Variants in CFAP299 observed in about 807,000 individuals in gnomAD.
CFAP299 encodes cilia- and flagella-associated protein 299.
A neutral mutation model predicts 27.0 loss-of-function variants in CFAP299; 21 were observed. That is an observed-to-expected ratio of 0.78 (90% CI 0.55 to 1.12). The LOEUF is 1.12. Among genes scored for constraint, CFAP299 ranks in the 50% most tolerant of loss-of-function variants. The pLI is 0.00. For missense variants in CFAP299, 310 were observed against 276.6 expected, an observed-to-expected ratio of 1.12 and a Z score of -0.86; for synonymous variants, 104 against 98.1, an observed-to-expected ratio of 1.06 and a Z score of -0.36.
intron 2 of CFAP299, among the ~76,000 whole-genome samples, chr4:80,364,171 A>G (rs904619623): frequency 1.3e-5 from 2 of 149,542 alleles, no homozygotes; most frequent in African/African-American, 2.5e-5. Context: ...AGCCCTCTGT[A>G]TAGTATATCA....
chr4:80,468,999 C>T (rs1274451292), intron 2 of CFAP299, among the ~76,000 whole-genome samples: 1 of 151,984 alleles, frequency 6.6e-6, no homozygotes, highest in Non-Finnish European at 1.5e-5. Flanking sequence ...CCTACAGAGA[C>T]CTACATTGCC....
chr4:80,324,330 C>A, the CFAP299 span, among the ~76,000 whole-genome samples: 1 of 152,144 alleles, frequency 6.6e-6, no homozygotes, highest in African/African-American at 2.4e-5. Context: ...CTCTTCAGGG[C>A]AGTTATTATC....
chr4:80,436,227 G>A (rs929003368), intron 2 of CFAP299, among the ~76,000 whole-genome samples: 1 of 152,118 alleles, frequency 6.6e-6, no homozygotes, highest in African/African-American at 2.4e-5. Context: ...TTAAAGCAAG[G>A]TGTGGCCATG....
At chr4:80,688,072 C>T (rs1313176581) in intron 3 of CFAP299, among the ~76,000 whole-genome samples, 1 of 152,206 alleles carries the variant, frequency 6.6e-6, no homozygotes, top group Non-Finnish European at 1.5e-5. Context: ...GGTAGCACAG[C>T]AGTCTGAGAT....
At chr4:80,957,238 GA>G (rs1357095395) in intron 5 of CFAP299, among the ~76,000 whole-genome samples, 4 of 152,060 alleles carry the variant, frequency 2.6e-5, no homozygotes, top group Non-Finnish European at 4.4e-5. Flanking sequence ...TCTCTCCTGG[GA>G]CCCAGTAATG....
chr4:80,938,498 T>C (rs1018593386), intron 4 of CFAP299, among the ~76,000 whole-genome samples: 2 of 152,218 alleles, frequency 1.3e-5, no homozygotes, highest in African/African-American at 4.8e-5. Flanking sequence ...GGAATACTTT[T>C]AGTTAATCTA....
intron 3 of CFAP299, among the ~76,000 whole-genome samples, chr4:80,719,887 T>C (rs902287634): frequency 2.0e-5 from 3 of 152,184 alleles, no homozygotes; most frequent in Non-Finnish European, 4.4e-5. Flanking sequence ...TAAAACTCCA[T>C]GTCTTGATAA....
chr4:80,566,902 A>G (rs531783212), intron 2 of CFAP299, among the ~76,000 whole-genome samples: 2 of 152,114 alleles, frequency 1.3e-5, no homozygotes, highest in Non-Finnish European at 1.5e-5. Flanking sequence ...GTGTGAGACT[A>G]TCTTGACCTA....
intron 1 of CFAP299, among the ~76,000 whole-genome samples, chr4:80,358,303 C>T (rs1168268678): frequency 2.0e-5 from 3 of 151,976 alleles, no homozygotes; most frequent in South Asian, 2.1e-4. Flanking sequence ...GTGAGAAGAA[C>T]ATACGTTCTG....
chr4:80,919,481 A>G (rs1030420607), intron 4 of CFAP299, among the ~76,000 whole-genome samples: 3 of 152,152 alleles, frequency 2.0e-5, no homozygotes, highest in African/African-American at 4.8e-5. Context: ...GGCTATTGAA[A>G]TGTTTTTCAT....
At chr4:80,689,086 G>A (rs912909700) in intron 3 of CFAP299, among the ~76,000 whole-genome samples, 20 of 152,142 alleles carry the variant, frequency 1.3e-4, no homozygotes, top group African/African-American at 4.6e-4. Context: ...TGAAAGTGAC[G>A]GGGAGAATGG....
intron 4 of CFAP299, among the ~76,000 whole-genome samples, chr4:80,934,908 C>A (rs1447272527): frequency 1.3e-5 from 2 of 151,876 alleles, no homozygotes; most frequent in East Asian, 1.9e-4. Flanking sequence ...TGTTTCCTTC[C>A]TTCTGCTAAC....
intron 4 of CFAP299, among the ~76,000 whole-genome samples, chr4:80,900,298 A>C (rs1161714357): frequency 6.6e-6 from 1 of 152,094 alleles, no homozygotes; most frequent in Non-Finnish European, 1.5e-5. Context: ...TAGCATTCTA[A>C]ATCAACTCTT....
rs1224745652 is a variant in CFAP299, at chr4:80,351,398, G to A, written c.112-11356G>A. ...GCAATGGGTTCTTATACTTGAGATG[G>A]TGTAATATTATTTGAAAGTAGAATG... On this transcript the variant is annotated intron_variant, in intron 1 of 5. Transcript: ENST00000358105. Among the ~76,000 whole-genome samples, 8 of 152,084 alleles carry A rather than the reference G, an allele frequency of 5.3e-5. 1 individual carries two copies. The highest frequency in any genetic ancestry group is 1.9e-4 in the African/African-American group (8 of 41,442).
chr4:80,625,360 A>T (rs1412975619), intron 3 of CFAP299, among the ~76,000 whole-genome samples: 1 of 152,052 alleles, frequency 6.6e-6, no homozygotes, highest in Non-Finnish European at 1.5e-5. Context: ...TATGGAAACC[A>T]CAAAGCAAAA....
intron 4 of CFAP299, chr4:80,871,100 T>C (rs1482213409): frequency 5.7e-6 from 3 of 530,850 alleles, no homozygotes; most frequent in African/African-American, 4.1e-5. Context: ...AGAGACAGGG[T>C]TCCACCATAT....
At position 80,635,124 on chromosome 4, in the gene CFAP299, GT is replaced by G. The variant is rs371223080; in HGVS notation, c.333+51945del. ...GTAATCAAGCTTTATAAGTAATATGGTTTTATTAAGTTATATAATTCTTAAA... is the reference window on the plus strand; with the variant it reads ...GTAATCAAGCTTTATAAGTAATATGGTTTATTAAGTTATATAATTCTTAAA... On this transcript the variant is annotated intron_variant, in intron 3 of 5. Coordinates refer to ENST00000358105, the MANE Select transcript of CFAP299 (RefSeq NM_152770.3). Among the ~76,000 whole-genome samples the G allele has an allele frequency of 3.2e-4, 49 of 152,074 alleles. No homozygotes were observed. In the East Asian group the frequency reaches 7.1e-3, roughly 22 times the overall value.
At chr4:80,426,926 G>A (rs774461091) in intron 2 of CFAP299, among the ~76,000 whole-genome samples, 1 of 152,092 alleles carries the variant, frequency 6.6e-6, no homozygotes, top group African/African-American at 2.4e-5. Context: ...AATAGTTTTT[G>A]AGTATTATTT....
intron 2 of CFAP299, among the ~76,000 whole-genome samples, chr4:80,417,517 G>T (rs115011192): frequency 6.6e-6 from 1 of 151,988 alleles, no homozygotes; most frequent in Admixed American, 6.6e-5. Context: ...GCGTGGTATT[G>T]GTAGCTCTTT....
Sources: allele counts gnomAD v4.1 joint callset (sites outside exome capture counted in the v4.1 genomes callset), GRCh38; gene constraint gnomAD v4.1.1; transcripts MANE v1.5; gene names NCBI Gene and HGNC (gene_info 2026-07-23, HGNC 2026-07-21).